The following MRPL44 variants were observed in gnomAD, a reference collection of about 807,000 sequenced individuals.
MRPL44 encodes the protein mitochondrial ribosomal protein L44, also known as large ribosomal subunit protein mL44.
In MRPL44, 21 loss-of-function variants were observed where a neutral mutation model predicts 25.9. That is an observed-to-expected ratio of 0.81 (90% CI 0.58 to 1.17). MRPL44 has a LOEUF of 1.17. MRPL44 is among the 50% of genes most tolerant of loss of function. The pLI is 0.00. For missense variants in MRPL44, 410 were observed against 398.9 expected (o/e 1.03, Z -0.24); for synonymous variants, 169 against 151.0 (o/e 1.12, Z -0.87).
rs754143594 is a variant in MRPL44, at chr2:223,959,901, G to A, written c.547G>A (p.Glu183Lys). The A allele has an allele frequency of 1.2e-6, 2 of 1,614,076 alleles. No homozygotes were observed. Among genetic ancestry groups the A allele is most frequent in the African/African-American group, 2.7e-5 (2 of 74,932 alleles). Residue 183 changes from glutamate to lysine, a missense_variant, in exon 2 of 4, where the codon GAA (glutamate) becomes AAA (lysine). Physicochemically the swap from Glu to Lys is moderately conservative, Grantham distance 56. Transcript: ENST00000258383. Reference sequence around the variant, plus strand: ...TGTGGAGCAGTTAACACTGAGTGAAGAATTCCCAGTGCCCCCAGCTGTGTT... The same window carrying A: ...TGTGGAGCAGTTAACACTGAGTGAAAAATTCCCAGTGCCCCCAGCTGTGTT... ...LAVEQLTLSE[E>K]FPVPPAVLQQ...
intron 2 of MRPL44, among the ~76,000 whole-genome samples, chr2:223,961,072 C>T (rs1689652937): frequency 6.6e-6 from 1 of 152,086 alleles, no homozygotes; most frequent in Non-Finnish European, 1.5e-5. Context: ...TGTTGAGTGC[C>T]TTACTATGGG....
At chr2:223,964,529 T>C (rs930002635) in intron 3 of MRPL44, among the ~76,000 whole-genome samples, 1 of 152,180 alleles carries the variant, frequency 6.6e-6, no homozygotes, top group African/African-American at 2.4e-5. Flanking sequence ...ACTTTATAAG[T>C]ATAAAAGAAA....
rs564274424 is a variant in MRPL44 at position 223,966,758 on chromosome 2, G to A, written c.828-105G>A. 1.1e-3 allele frequency: 1,010 copies of A among 960,498 alleles called. 3 individuals are homozygous for A. Among genetic ancestry groups the A allele is most frequent in the Non-Finnish European group, 1.4e-3 (926 of 647,586 alleles). The allele number at this position is 960,498 out of a possible 1,614,324, so 59.5% of individuals were successfully genotyped here. On this transcript the variant is annotated intron_variant, in intron 3 of 3. Coordinates refer to ENST00000258383, the MANE Select transcript of MRPL44 (RefSeq NM_022915.5). ...AGAGCTATTGTGTTACTTCTAATGG[G>A]TATTATTGAAATAGATGTAGAAGGC...
At chr2:223,963,451 GA>G (rs71058968) in intron 2 of MRPL44, among the ~76,000 whole-genome samples, 7 of 148,602 alleles carry the variant, frequency 4.7e-5, no homozygotes, top group Admixed American at 2.7e-4. Context: ...TCTCAAAAAA[GA>G]AAAAAAAAAT....
intron 2 of MRPL44, among the ~76,000 whole-genome samples, chr2:223,961,300 C>T (rs1416438362): frequency 6.6e-6 from 1 of 152,190 alleles, no homozygotes; most frequent in Non-Finnish European, 1.5e-5. Context: ...AAGACAGTGT[C>T]AAGGATGAGC....
upstream of MRPL44, among the ~76,000 whole-genome samples, chr2:223,952,745 C>G (rs1233938725): frequency 6.6e-6 from 1 of 152,182 alleles, no homozygotes; most frequent in East Asian, 1.9e-4. Context: ...CACAGGCAGC[C>G]CTATTCAAAT....
At position 223,963,946 on chromosome 2, in the gene MRPL44, T is replaced by A; in HGVS notation, c.827+12T>A. On this transcript the variant is annotated intron_variant, in intron 3 of 3. Coordinates refer to ENST00000258383, the MANE Select transcript of MRPL44 (RefSeq NM_022915.5). ...GTTGGCTTATACTGGTTAGTGAAAT[T>A]TTAATCTTAACTTTATAACTTTGAG... 6.2e-7 allele frequency: 1 copy of A among 1,605,186 alleles called. No homozygotes were observed. The highest frequency in any genetic ancestry group is 8.5e-7 in the Non-Finnish European group (1 of 1,176,310).
upstream of MRPL44, chr2:223,957,431 C>G (rs1485093906): frequency 3.1e-6 from 5 of 1,612,034 alleles, no homozygotes; most frequent in Non-Finnish European, 4.2e-6. Flanking sequence ...GGACACTGGC[C>G]CGACTACTTT....
At chr2:223,957,922 G>A (rs922924338) in intron 1 of MRPL44, among the ~76,000 whole-genome samples, 2 of 152,170 alleles carry the variant, frequency 1.3e-5, no homozygotes, top group Non-Finnish European at 2.9e-5. Context: ...TAACTGGAGG[G>A]TCTTCCTTAT....
intron 2 of MRPL44, among the ~76,000 whole-genome samples, chr2:223,961,254 A>G (rs145014297): frequency 2.1e-3 from 317 of 152,394 alleles, no homozygotes; most frequent in Non-Finnish European, 3.4e-3. Context: ...AAGGTTTTAC[A>G]GAAGTGATTT....
At position 223,963,886 on chromosome 2, in the gene MRPL44, A is replaced by G; in HGVS notation, c.779A>G (p.Gln260Arg). The G allele has an allele frequency of 6.2e-7, 1 of 1,613,882 alleles. No individual in the cohort carries two copies. The highest frequency in any genetic ancestry group is 8.5e-7 in the Non-Finnish European group (1 of 1,179,880). Residue 260 changes from glutamine to arginine, a missense_variant, in exon 3 of 4, where the codon CAG becomes CGG. Physicochemically the swap from Gln to Arg is conservative, Grantham distance 43 (BLOSUM62 1). Transcript: ENST00000258383. ...VSAPESRLTR[Q>R]SGGTTALPLY... is the part of the protein sequence containing the mutation. ...GCTCCTGAATCAAGACTTACTAGGC[A>G]GTCTGGTGGCACCACAGCTTTGCCT...
upstream of MRPL44, among the ~76,000 whole-genome samples, chr2:223,955,519 G>A (rs1467644868): frequency 1.3e-5 from 2 of 152,134 alleles, no homozygotes; most frequent in East Asian, 1.9e-4. Context: ...TCTGTGCCCC[G>A]TATTCCAGCT....
At chr2:223,961,436 G>C (rs970004216) in intron 2 of MRPL44, among the ~76,000 whole-genome samples, 1 of 152,220 alleles carries the variant, frequency 6.6e-6, no homozygotes, top group South Asian at 2.1e-4. Flanking sequence ...TACTAAGAAA[G>C]TGGTTTGGGC....
chr2:223,951,351 G>C, the MRPL44 span, among the ~76,000 whole-genome samples: 3 of 152,116 alleles, frequency 2.0e-5, no homozygotes, highest in African/African-American at 4.8e-5. Context: ...TGGCTACATG[G>C]ATAAGAAATT....
At chr2:223,952,081 G>T in the MRPL44 span, among the ~76,000 whole-genome samples, 18 of 152,172 alleles carry the variant, frequency 1.2e-4, no homozygotes, top group Non-Finnish European at 2.1e-4. Context: ...ATTGCTATCA[G>T]ATCCACTTTA....
At chr2:223,966,440 T>C (rs1418848371) in intron 3 of MRPL44, among the ~76,000 whole-genome samples, 4 of 152,172 alleles carry the variant, frequency 2.6e-5, no homozygotes. Flanking sequence ...TTTTTACTAG[T>C]TTCAGGTTTT....
At position 223,967,490 on chromosome 2, in the gene MRPL44, C is replaced by T. The variant is rs1034471027; in HGVS notation, c.*456C>T. ...TCAGGTGATCCACCCGCCTTGGCCTCCCAAAGTGCTGGGATTACAGGTGTG... is the reference window on the plus strand; with the variant it reads ...TCAGGTGATCCACCCGCCTTGGCCTTCCAAAGTGCTGGGATTACAGGTGTG... On this transcript the variant is annotated 3_prime_UTR_variant, in exon 4 of 4. Coordinates refer to ENST00000258383, the MANE Select transcript of MRPL44 (RefSeq NM_022915.5). The T allele has an allele frequency of 6.5e-6, 1 of 153,164 alleles. No homozygotes were observed. The highest frequency in any genetic ancestry group is 2.4e-5 in the African/African-American group (1 of 41,448). 9.5% of individuals were successfully genotyped at this position (153,164 alleles called of 1,614,324 possible).
intron 2 of MRPL44, among the ~76,000 whole-genome samples, chr2:223,960,853 A>C (rs1689648323): frequency 6.6e-6 from 1 of 152,196 alleles, no homozygotes; most frequent in East Asian, 1.9e-4. Context: ...ACTCTAAATA[A>C]TTTTTGGTCA....
chr2:223,953,866 G>C (rs762214794), upstream of MRPL44, among the ~76,000 whole-genome samples: 6 of 152,152 alleles, frequency 3.9e-5, no homozygotes, highest in Admixed American at 1.3e-4. Flanking sequence ...CAATATTATA[G>C]TCATAGTGGT....
Sources: allele counts gnomAD v4.1 joint callset (sites outside exome capture counted in the v4.1 genomes callset), GRCh38; gene constraint gnomAD v4.1.1; transcripts MANE v1.5; gene names NCBI Gene and HGNC (gene_info 2026-07-23, HGNC 2026-07-21).